The following PATZ1 variants were observed in gnomAD, a reference collection of about 807,000 sequenced individuals.
PATZ1 encodes the protein POZ-, AT hook-, and zinc finger-containing protein 1.
In PATZ1, 9 loss-of-function variants were observed where a neutral mutation model predicts 46.2. The observed-to-expected ratio is 0.19, with a 90% CI of 0.12 to 0.34. PATZ1 has a LOEUF of 0.34. PATZ1 is among the 10% of genes least tolerant of loss of function. PATZ1 has a pLI of 1.00. For missense variants in PATZ1, 632 were observed against 923.0 expected (o/e 0.68, Z 4.08); for synonymous variants, 426 against 378.6 (o/e 1.13, Z -1.45).
Position 31,328,912 on chromosome 22 carries a change from G to A in PATZ1, c.1520C>T (p.Ala507Val). The change falls in exon 4 of 5, where the codon GCC becomes GTC. Residue 507 changes from alanine to valine, a missense_variant. Physicochemically the swap from Ala to Val is moderately conservative, Grantham distance 64. Around this residue, in one of 7 missense-constraint regions of PATZ1, gnomAD observed 176 missense variants for 249.4 expected, o/e 0.71. Transcript: ENST00000266269. This position sits in a 1 kb window ranked among gnomAD's most constrained non-coding sequence, Gnocchi z 4.8. ...TTTAACATGGACCTTTAAGTAGGAG[G>A]CAGAGGAGAAACCTAAACAAGACAA... ...CSICNRGFSS[A>V]SYLKVHVKTH... is the part of the protein sequence containing the mutation. 1 of 1,613,800 alleles carries A rather than the reference G, an allele frequency of 6.2e-7. No individual in the cohort carries two copies. The highest frequency in any genetic ancestry group is 8.5e-7 in the Non-Finnish European group (1 of 1,179,820).
intron 3 of PATZ1, 165 bp downstream of exon 3, chr22:31,335,527 G>T: frequency 1.6e-6 from 1 of 627,016 alleles, no homozygotes; most frequent in South Asian, 2.3e-5. Context: ...GAAGGAAGAG[G>T]TAGCAAATAG....
At chr22:31,332,918 C>T (rs1227755978) in intron 3 of PATZ1, among the ~76,000 whole-genome samples, 1 of 152,234 alleles carries the variant, frequency 6.6e-6, no homozygotes, top group Non-Finnish European at 1.5e-5. Context: ...TCATGGTGAT[C>T]AGCCAGGGCC....
chr22:31,344,769 T>A lies in PATZ1; in HGVS notation c.834A>T (p.Ser278=), dbSNP rs764404992. The A allele has an allele frequency of 1.2e-6, 2 of 1,609,496 alleles. No individual in the cohort carries two copies. Among genetic ancestry groups the A allele is most frequent in the Non-Finnish European group, 1.7e-6 (2 of 1,177,390 alleles). Residue 278 remains serine, a synonymous_variant, in exon 1 of 5, where the codon TCA becomes TCT. Transcript: ENST00000266269. ...GRPRKANLLD[S]MFGSPGGLRE... ...TCAGGCCCCCTGGGGACCCAAACAT[T>A]GAGTCCAGCAGGTTGGCCTTCCTTG...
intron 2 of PATZ1, 130 bp downstream of exon 2, chr22:31,342,767 C>G (rs185273954): frequency 4.6e-6 from 4 of 867,136 alleles, no homozygotes; most frequent in Non-Finnish European, 3.7e-6. Context: ...GGTGGAGGAA[C>G]AGAGGGGAGG....
In PATZ1 at chr22:31,345,072, G is replaced by C. The variant is rs1306402237; in HGVS notation, c.531C>G (p.Pro177=). ...GGAAGCCCAAGTCCGAGGTCCCAGGGGGGCGAAAGAGCATTATATCGGCGC... is the reference window on the plus strand; with the variant it reads ...GGAAGCCCAAGTCCGAGGTCCCAGGCGGGCGAAAGAGCATTATATCGGCGC... The part of the protein sequence containing the change: ...PARADIMLFR[P]PGTSDLGFPL... Residue 177 remains proline, a synonymous_variant, in exon 1 of 5, where the codon CCC becomes CCG. Coordinates refer to ENST00000266269, the MANE Select transcript of PATZ1 (RefSeq NM_014323.3). This position sits in a 1 kb window ranked among gnomAD's most constrained non-coding sequence, Gnocchi z 7.4. 1 of 1,614,212 alleles carries C rather than the reference G, an allele frequency of 6.2e-7. No homozygotes were observed. Among genetic ancestry groups the C allele is most frequent in the Non-Finnish European group, 8.5e-7 (1 of 1,180,032 alleles).
Position 31,344,887 on chromosome 22 carries a change from G to A in PATZ1, c.716C>T (p.Ala239Val), listed in dbSNP as rs756676378. 6.2e-7 allele frequency: 1 copy of A among 1,613,114 alleles called. No individual in the cohort carries two copies. The highest frequency in any genetic ancestry group is 1.7e-5 in the Admixed American group (1 of 60,032). Residue 239 changes from alanine to valine, a missense_variant, in exon 1 of 5, where the codon GCT (alanine) becomes GTT (valine). By Grantham distance (64) the Ala-to-Val change is moderately conservative. This residue lies in a region of PATZ1 where 279 missense variants were observed against 284.3 expected (regional missense o/e 0.98). Transcript: ENST00000266269. ...LPGVDRLPMVAGPLSPQLLTS... is the reference protein window; with the variant it reads ...LPGVDRLPMVVGPLSPQLLTS... ...CAGCAGTTGGGGGGATAGGGGTCCA[G>A]CCACCATGGGCAAGCGGTCCACCCC...
chr22:31,336,509 CAA>C (rs1033222350), intron 2 of PATZ1, among the ~76,000 whole-genome samples: 1 of 152,034 alleles, frequency 6.6e-6, no homozygotes, highest in Admixed American at 6.6e-5. Context: ...CCAGAGGCTT[CAA>C]AAGTGTCTGT....
At chr22:31,341,771 G>A in intron 2 of PATZ1, 1 of 1,145,638 alleles carries the variant, frequency 8.7e-7, no homozygotes, top group Non-Finnish European at 1.2e-6. Flanking sequence ...CTCTGCCCGG[G>A]CTAATCAGCA....
At chr22:31,336,002 C>G in intron 2 of PATZ1, 139 bp from the exon 3 acceptor site, 2 of 732,024 alleles carry the variant, frequency 2.7e-6, no homozygotes, top group South Asian at 1.8e-5. Context: ...GAGTTTGGCT[C>G]AGGCTCCCTA....
At chr22:31,342,801 C>CCGGGCCCCCGGCACACGCAG (rs2049599145) in intron 2 of PATZ1, 96 bp downstream of exon 2, 1 of 1,380,520 alleles carries the variant, frequency 7.2e-7, no homozygotes, top group Non-Finnish European at 1.0e-6. Flanking sequence ...GGGCGGTCAG[C>CCGGGCCCCCGGCACACGCAG]CGGGCCCCCG....
chr22:31,339,874 C>T (rs1252952086), intron 2 of PATZ1, among the ~76,000 whole-genome samples: 1 of 152,182 alleles, frequency 6.6e-6, no homozygotes. Flanking sequence ...ACACCCCCAC[C>T]CTTAGTAGCC....
At chr22:31,332,883 C>G (rs1295121093) in intron 3 of PATZ1, among the ~76,000 whole-genome samples, 1 of 152,234 alleles carries the variant, frequency 6.6e-6, no homozygotes, top group Non-Finnish European at 1.5e-5. Flanking sequence ...AAAGATCCTG[C>G]TACAGAAACT....
chr22:31,346,246 C>T lies in PATZ1; in HGVS notation c.-644G>A. 1 of 156,048 alleles carries T rather than the reference C, an allele frequency of 6.4e-6. No individual in the cohort carries two copies. The highest frequency in any genetic ancestry group is 1.4e-5 in the Non-Finnish European group (1 of 72,648). 9.7% of individuals were successfully genotyped at this position (156,048 alleles called of 1,614,324 possible). A position where few individuals can be genotyped will look rare whatever the true frequency, so the allele number is the denominator to read the frequency against. On this transcript the variant is annotated 5_prime_UTR_variant, in exon 1 of 5. Coordinates refer to ENST00000266269, the MANE Select transcript of PATZ1 (RefSeq NM_014323.3). ...GGCGGCTGGAGCGGGCGGGCGGCGGCGGCGGCAGAGTAGGCCCTTCCTCAG... is the reference window on the plus strand; with the variant it reads ...GGCGGCTGGAGCGGGCGGGCGGCGGTGGCGGCAGAGTAGGCCCTTCCTCAG...
rs944763133 is a variant in PATZ1, at chr22:31,345,951, C to T, written c.-349G>A. ...AACGCGCCTGCCACCTCCCCTCCCG[C>T]CCGCCAGGCGGCGCCGGCGCGCAGC... On this transcript the variant is annotated 5_prime_UTR_variant, in exon 1 of 5. Transcript: ENST00000266269. The surrounding 1 kb of genome is among the most constrained non-coding windows in gnomAD (Gnocchi z 7.4). 2.3e-5 allele frequency: 6 copies of T among 256,662 alleles called. No individual in the cohort carries two copies. Among genetic ancestry groups the T allele is most frequent in the African/African-American group, 1.3e-4 (6 of 45,606 alleles). 15.9% of individuals were successfully genotyped at this position (256,662 alleles called of 1,614,324 possible).
At position 31,327,444 on chromosome 22, in the gene PATZ1, C is replaced by T. The variant is rs1036558181; in HGVS notation, c.1646-135G>A. 35 of 721,198 alleles carry T rather than the reference C, an allele frequency of 4.9e-5. No individual in the cohort carries two copies. The highest frequency in any genetic ancestry group is 1.3e-4 in the South Asian group (7 of 54,168). The allele number at this position is 721,198 out of a possible 1,614,324, so 44.7% of individuals were successfully genotyped here. A position where few individuals can be genotyped will look rare whatever the true frequency, so the allele number is the denominator to read the frequency against. On this transcript the variant is annotated intron_variant, in intron 4 of 4. Transcript: ENST00000266269. This position sits in a 1 kb window ranked among gnomAD's most constrained non-coding sequence, Gnocchi z 4.2. The stretch of plus-strand genomic sequence containing the variant: ...CCAGCCACTGCCCTGGCAGAACCCA[C>T]GGAGGGTCAGCTGGTCAGTCTGGGA...
chr22:31,328,848 G>T lies in PATZ1; in HGVS notation c.1584C>A (p.His528Gln), dbSNP rs755720310. ...HGVPLPQVSR[H>Q]QEPILNGGAA... ...CTCCCCCATTCAGGATGGGCTCCTG[G>T]TGCCTGGAGACCTGGGGAAGGGGAA... is the stretch of plus-strand genomic sequence containing the variant. The change falls in exon 4 of 5, where the codon CAC becomes CAA. Residue 528 changes from histidine to glutamine, a missense_variant. Physicochemically the swap from His to Gln is conservative, Grantham distance 24. Coordinates refer to ENST00000266269, the MANE Select transcript of PATZ1 (RefSeq NM_014323.3). The surrounding 1 kb of genome is among the most constrained non-coding windows in gnomAD (Gnocchi z 4.8). The T allele has an allele frequency of 7.4e-6, 12 of 1,613,836 alleles. No individual in the cohort carries two copies. Among genetic ancestry groups the T allele is most frequent in the Non-Finnish European group, 1.0e-5 (12 of 1,179,880 alleles).
intron 2 of PATZ1, chr22:31,341,423 G>T: frequency 6.4e-7 from 1 of 1,566,414 alleles, no homozygotes. Flanking sequence ...CAGGCCACTG[G>T]GTAAAGGCCC....
chr22:31,337,268 C>T (rs534574023), intron 2 of PATZ1, among the ~76,000 whole-genome samples: 45 of 152,334 alleles, frequency 3.0e-4, no homozygotes, highest in Non-Finnish European at 5.7e-4. Flanking sequence ...ATCCTGACAG[C>T]AGCCCTCCGA....
Position 31,327,306 on chromosome 22 carries a change from CCTT to C in PATZ1, c.1646_1648del (p.Glu549del), listed in dbSNP as rs768663135. 1.2e-6 allele frequency: 2 copies of C among 1,611,158 alleles called. No homozygotes were observed. The highest frequency in any genetic ancestry group is 1.3e-5 in the African/African-American group (1 of 74,810). ...CGGATCCTGATGTGAGCATTTCTGG[CCTT>C]CTACGAAAAAACAAAATATAGGAGA... On this transcript the variant is annotated inframe_deletion and splice_region_variant, in exon 5 of 5. Transcript: ENST00000266269. The surrounding 1 kb of genome is among the most constrained non-coding windows in gnomAD (Gnocchi z 4.2).
Sources: allele counts gnomAD v4.1 joint callset (sites outside exome capture counted in the v4.1 genomes callset), GRCh38; gene constraint gnomAD v4.1.1; regional missense constraint gnomAD v4.1.1; non-coding constraint Gnocchi (gnomAD v3.1); transcripts MANE v1.5; gene names NCBI Gene and HGNC (gene_info 2026-07-23, HGNC 2026-07-21).